Variants in KLF8 observed in about 807,000 individuals in gnomAD.
The protein encoded by KLF8 is Krueppel-like factor 8.
KLF8 carries 10 observed loss-of-function variants against 18.2 expected under a neutral mutation model. That is an observed-to-expected ratio of 0.55 (90% CI 0.34 to 0.93). The LOEUF (loss-of-function observed/expected upper bound fraction) is 0.93, where lower values mean the gene tolerates loss of function less well. Among genes scored for constraint, KLF8 ranks in the 40% least tolerant of loss-of-function variants. The pLI is 0.02. For synonymous variants in KLF8, 109 were observed against 97.3 expected, an observed-to-expected ratio of 1.12 and a Z score of -0.71; for missense variants, 264 against 277.9, an observed-to-expected ratio of 0.95 and a Z score of 0.36.
the KLF8 span, among the ~76,000 whole-genome samples, chrX:56,185,465 G>C: frequency 1.8e-5 from 2 of 111,922 alleles, no homozygotes; most frequent in African/African-American, 6.5e-5. Flanking sequence ...ATATTATCCA[G>C]GAGAACTTCC....
the KLF8 span, among the ~76,000 whole-genome samples, chrX:55,941,474 T>A: frequency 1.8e-5 from 2 of 111,492 alleles, no homozygotes; most frequent in Admixed American, 9.6e-5. Context: ...GGACTTCATG[T>A]CTAAAACACC....
the KLF8 span, among the ~76,000 whole-genome samples, chrX:56,155,761 C>T: frequency 9.0e-6 from 1 of 111,221 alleles, no homozygotes; most frequent in African/African-American, 3.3e-5. Context: ...TCCCATCACC[C>T]TGATAGTGAA....
the KLF8 span, among the ~76,000 whole-genome samples, chrX:56,174,544 C>G: frequency 9.0e-5 from 10 of 111,381 alleles, no homozygotes; most frequent in East Asian, 1.7e-3. Context: ...CAAGGATATT[C>G]GTCTAAAATT....
chrX:56,130,303 A>C, the KLF8 span, among the ~76,000 whole-genome samples: 1 of 111,834 alleles, frequency 8.9e-6, no homozygotes, highest in Non-Finnish European at 1.9e-5. Flanking sequence ...GACTGAGAGA[A>C]CTGAAGATGG....
the KLF8 span, among the ~76,000 whole-genome samples, chrX:56,034,540 A>G: frequency 3.2e-4 from 36 of 110,805 alleles, no homozygotes; most frequent in Admixed American, 1.3e-3. Flanking sequence ...TGATTGACAC[A>G]GTTATATATA....
chrX:56,092,922 G>A, the KLF8 span, among the ~76,000 whole-genome samples: 6 of 107,951 alleles, frequency 5.6e-5, no homozygotes, highest in South Asian at 4.0e-4. Flanking sequence ...TGAGCTCATC[G>A]ATGGACTGGA....
At chrX:56,268,868 A>G (rs1486926303) in intron 3 of KLF8, 39 of 893,594 alleles carry the variant, frequency 4.4e-5, no homozygotes, top group Non-Finnish European at 5.3e-5. Flanking sequence ...AGCACCTACT[A>G]GGTGGTAGGT....
chrX:56,051,557 G>C, the KLF8 span, among the ~76,000 whole-genome samples: 1 of 110,541 alleles, frequency 9.0e-6, no homozygotes, highest in Non-Finnish European at 1.9e-5. Flanking sequence ...TGAAATTCTG[G>C]GTTGAAAATT....
chrX:56,224,696 G>A, the KLF8 span, among the ~76,000 whole-genome samples: 1 of 111,769 alleles, frequency 8.9e-6, no homozygotes, highest in African/African-American at 3.2e-5. Context: ...TAGTGATTGA[G>A]AATTCTTGAA....
At chrX:56,001,787 C>T in the KLF8 span, among the ~76,000 whole-genome samples, 3 of 112,054 alleles carry the variant, frequency 2.7e-5, no homozygotes, top group Non-Finnish European at 5.6e-5. Context: ...TTATTCTCTA[C>T]ATGAAATCTG....
upstream of KLF8, among the ~76,000 whole-genome samples, chrX:56,231,849 C>T (rs2066405500): frequency 9.0e-6 from 1 of 110,788 alleles, no homozygotes; most frequent in African/African-American, 3.3e-5. Context: ...CTGGGCCACG[C>T]TGTATTCACA....
chrX:56,142,466 C>T, the KLF8 span, among the ~76,000 whole-genome samples: 7 of 111,400 alleles, frequency 6.3e-5, no homozygotes, highest in Admixed American at 6.7e-4. Flanking sequence ...AAGGATCAAT[C>T]TTCGGAGCTT....
the KLF8 span, among the ~76,000 whole-genome samples, chrX:56,030,634 G>A: frequency 9.1e-6 from 1 of 109,293 alleles, no homozygotes; most frequent in Non-Finnish European, 1.9e-5. Context: ...GTCTTGGGCT[G>A]TAAGCGAGCC....
the KLF8 span, among the ~76,000 whole-genome samples, chrX:56,056,847 A>G: frequency 2.8e-5 from 3 of 109,009 alleles, no homozygotes; most frequent in South Asian, 3.9e-4. Context: ...AAAAAAAAAA[A>G]AAAAAAGAAA....
intron 5 of KLF8, among the ~76,000 whole-genome samples, chrX:56,277,968 G>A (rs186121396): frequency 6.7e-4 from 76 of 112,639 alleles, no homozygotes; most frequent in Non-Finnish European, 1.2e-3. Flanking sequence ...CCAGGCTACT[G>A]CTGATGTTCC....
At chrX:56,045,374 A>T in the KLF8 span, among the ~76,000 whole-genome samples, 1 of 111,250 alleles carries the variant, frequency 9.0e-6, no homozygotes, top group Non-Finnish European at 1.9e-5. Context: ...TGCTTTGCCT[A>T]TGAAAACTTT....
chrX:56,152,926 C>T, the KLF8 span, among the ~76,000 whole-genome samples: 3 of 111,847 alleles, frequency 2.7e-5, no homozygotes, highest in African/African-American at 9.7e-5. Flanking sequence ...CATAGCATAG[C>T]ATAAGAATCC....
the KLF8 span, among the ~76,000 whole-genome samples, chrX:56,138,149 A>C: frequency 9.1e-6 from 1 of 109,701 alleles, no homozygotes; most frequent in South Asian, 3.9e-4. Flanking sequence ...TTGATACCCT[A>C]AACAGACCAA....
chrX:55,978,109 A>T, the KLF8 span, among the ~76,000 whole-genome samples: 1 of 110,703 alleles, frequency 9.0e-6, no homozygotes, highest in Non-Finnish European at 1.9e-5. Context: ...ACACACAGAC[A>T]TGTTTCTGTC....
Sources: gnomAD v4.1 joint callset for allele counts (sites outside exome capture counted in the v4.1 genomes callset) on GRCh38, gnomAD v4.1.1 for gene constraint, MANE v1.5 for transcripts, NCBI Gene and HGNC (gene_info 2026-07-23, HGNC 2026-07-21) for gene names.